ITGAE: variants seen among roughly 807,000 people sequenced by gnomAD.
The protein encoded by ITGAE is integrin subunit alpha E.
ITGAE carries 99 observed loss-of-function variants against 136.5 expected under a neutral mutation model. The observed-to-expected ratio is 0.73, with a 90% CI of 0.62 to 0.86. ITGAE has a LOEUF of 0.86. Among genes scored for constraint, ITGAE ranks in the 40% least tolerant of loss-of-function variants. The probability of loss-of-function intolerance (pLI) is 0.00; values close to 1 mark genes in which losing one functional copy is unlikely to be tolerated. For synonymous variants in ITGAE, 613 were observed against 591.8 expected (o/e 1.04, Z -0.52); for missense variants, 1,447 against 1,515.3 (o/e 0.95, Z 0.75).
rs367572747 is a variant in ITGAE at position 3,731,765 on chromosome 17, G to A, written c.2755-582C>T. Among the ~76,000 whole-genome samples the A allele has an allele frequency of 1.3e-4, 20 of 152,092 alleles. No homozygotes were observed. The East Asian group carries it at 3.3e-3, about 25-fold the overall frequency. On this transcript the variant is annotated intron_variant, in intron 22 of 30. Transcript: ENST00000263087. ...CACAGCACAGAGATGACAAGGGACA[G>A]ATCAGGGTTAATAACTTTTCGTCTT...
At chr17:3,722,653 T>G (rs1055312863) in intron 28 of ITGAE, among the ~76,000 whole-genome samples, 4 of 152,028 alleles carry the variant, frequency 2.6e-5, no homozygotes, top group African/African-American at 7.2e-5. Flanking sequence ...ATAACCCGAT[T>G]ATAAAAGGGG....
chr17:3,728,303 A>C, intron 24 of ITGAE, 135 bp from the exon 25 acceptor site: 5 of 717,826 alleles, frequency 7.0e-6, no homozygotes, highest in Admixed American at 2.0e-5. Context: ...TCCCAGGCTC[A>C]AGTGATCCTC....
rs927464969 is a variant in ITGAE at position 3,791,999 on chromosome 17, TGAG to T, written c.34+9109_34+9111del. On this transcript the variant is annotated intron_variant, in intron 1 of 30. Transcript: ENST00000263087. ...TATCCAAAAATCAACCTTCCAGACTTGAGGAGGAGGAGGAACCTGGGGAGATGG... is the reference window on the plus strand; with the variant it reads ...TATCCAAAAATCAACCTTCCAGACTTGAGGAGGAGGAACCTGGGGAGATGG... 2.6e-5 allele frequency among the ~76,000 whole-genome samples: 4 copies of T among 152,294 alleles called. No individual in the cohort carries two copies. The East Asian group carries it at 5.8e-4, about 22-fold the overall frequency.
At chr17:3,772,620 C>T (rs1001618192) in intron 2 of ITGAE, among the ~76,000 whole-genome samples, 2 of 152,108 alleles carry the variant, frequency 1.3e-5, no homozygotes, top group Admixed American at 6.6e-5. Flanking sequence ...CGCGCCACCA[C>T]GCCCAGATAA....
intron 7 of ITGAE, 145 bp from the exon 8 acceptor site, chr17:3,759,698 T>G: frequency 5.4e-6 from 5 of 931,760 alleles, no homozygotes; most frequent in Non-Finnish European, 6.4e-6. Context: ...GCAAAATCTC[T>G]AAGCGAGTAG....
intron 16 of ITGAE, among the ~76,000 whole-genome samples, chr17:3,749,020 A>G (rs77869474): frequency 0.016 from 2,396 of 152,282 alleles, 41 homozygotes; most frequent in South Asian, 0.047. Flanking sequence ...TGGAAGCAGG[A>G]AAGGCTGTGG....
At chr17:3,791,575 G>A (rs149054073) in intron 1 of ITGAE, among the ~76,000 whole-genome samples, 1 of 152,270 alleles carries the variant, frequency 6.6e-6, no homozygotes, top group African/African-American at 2.4e-5. Context: ...GAGCCACCAC[G>A]CCCGGCCCTT....
chr17:3,795,966 CGTGTGTGCATCCGTGTGTGCATCT>C (rs1454868650), intron 1 of ITGAE, among the ~76,000 whole-genome samples: 15 of 85,022 alleles, frequency 1.8e-4, no homozygotes, highest in African/African-American at 2.7e-4. Context: ...CCTGTGTGTG[CGTGTGTGCATCCGTGTGTGCATCT>C]GTGTGTGCAT....
intron 20 of ITGAE, among the ~76,000 whole-genome samples, chr17:3,736,729 A>G (rs558424020): frequency 6.6e-6 from 1 of 152,298 alleles, no homozygotes; most frequent in African/African-American, 2.4e-5. Context: ...CATATTAGCA[A>G]TACCGAGAAA....
At chr17:3,736,900 C>T (rs1038213570) in intron 20 of ITGAE, among the ~76,000 whole-genome samples, 1 of 151,640 alleles carries the variant, frequency 6.6e-6, no homozygotes, top group Admixed American at 6.6e-5. Context: ...GGTTTTTATC[C>T]CAGCTGAGAA....
intron 28 of ITGAE, 45 bp downstream of exon 28, chr17:3,723,243 T>C (rs1567754795): frequency 7.9e-7 from 1 of 1,263,200 alleles, no homozygotes; most frequent in African/African-American, 1.5e-5. Flanking sequence ...GCGATGCCCG[T>C]GAGCAACTGG....
chr17:3,786,213 T>C (rs1282922524), intron 1 of ITGAE, among the ~76,000 whole-genome samples: 1 of 150,846 alleles, frequency 6.6e-6, no homozygotes, highest in Non-Finnish European at 1.5e-5. Context: ...TCCAACCTTA[T>C]GCCAGTAAAC....
intron 26 of ITGAE, chr17:3,725,652 C>G (rs1395505979): frequency 6.3e-7 from 1 of 1,599,958 alleles, no homozygotes; most frequent in Admixed American, 1.7e-5. Context: ...CCCTCCCTTG[C>G]TCCTCAAAGC....
At position 3,745,854 on chromosome 17, in the gene ITGAE, T is replaced by C; in HGVS notation, c.2229A>G (p.Ser743=). The change falls in exon 18 of 31, where the codon TCA becomes TCG. Residue 743 remains serine, a synonymous_variant. Coordinates refer to ENST00000263087, the MANE Select transcript of ITGAE (RefSeq NM_002208.5). ...GGCAGCCCAGACAGCTTCTTACGTC[T>C]GAACACTGCAGCCGTCTCCTCTGCT... ...VGKQRRRLQC[S]DVRSCLGCLR... 2 of 1,614,122 alleles carry C rather than the reference T, an allele frequency of 1.2e-6. No individual in the cohort carries two copies. The highest frequency in any genetic ancestry group is 1.7e-6 in the Non-Finnish European group (2 of 1,180,012).
At position 3,781,320 on chromosome 17, in the gene ITGAE, T is replaced by G. The variant is rs150309929; in HGVS notation, c.35-3660A>C. Among the ~76,000 whole-genome samples, 514 of 152,130 alleles carry G rather than the reference T, an allele frequency of 3.4e-3. 3 individuals are homozygous for G. The highest frequency in any genetic ancestry group is 5.6e-3 in the Non-Finnish European group (382 of 67,994). On this transcript the variant is annotated intron_variant, in intron 1 of 30. Transcript: ENST00000263087. The stretch of plus-strand genomic sequence containing the variant: ...TTTCATCCACTCATGTTTCCTTCTA[T>G]ATTTTTTTTCTTCTTTCATTTCTTT...
chr17:3,761,056 C>T lies in ITGAE; in HGVS notation c.555G>A (p.Glu185=). Residue 185 remains glutamate (E), a synonymous_variant, in exon 6 of 31, where the codon GAG becomes GAA. Coordinates refer to ENST00000263087, the MANE Select transcript of ITGAE (RefSeq NM_002208.5). Reference sequence around the variant, plus strand: ...CGTCTTCCTCCTCCTCCTTGTCTTCCTCCTCCTCCTTCTCCAGAGCCCGGC... The same window carrying T: ...CGTCTTCCTCCTCCTCCTTGTCTTCTTCCTCCTCCTTCTCCAGAGCCCGGC... ...RQRRALEKEE[E]EDKEEEEDEE... 1 of 1,608,402 alleles carries T rather than the reference C, an allele frequency of 6.2e-7. No individual in the cohort carries two copies. The highest frequency in any genetic ancestry group is 8.5e-7 in the Non-Finnish European group (1 of 1,179,800).
At chr17:3,776,747 G>T (rs1225110025) in intron 2 of ITGAE, among the ~76,000 whole-genome samples, 1 of 151,604 alleles carries the variant, frequency 6.6e-6, no homozygotes, top group Non-Finnish European at 1.5e-5. Flanking sequence ...TTTGAGTTGG[G>T]GGGGTCTCAC....
rs370069595 is a variant in ITGAE, at chr17:3,777,608, C to A, written c.87G>T (p.Thr29=). 3 of 1,613,982 alleles carry A rather than the reference C, an allele frequency of 1.9e-6. No homozygotes were observed. The highest frequency in any genetic ancestry group is 2.2e-5 in the South Asian group (2 of 91,052). Residue 29 remains threonine (T), a synonymous_variant, in exon 2 of 31, where the codon ACG becomes ACT. Transcript: ENST00000263087. The part of the protein sequence containing the change: ...FNVDVARPWL[T]PKGGAPFVLS... ...GCACGAAAGGGGCACCTCCCTTGGG[C>A]GTGAGCCAGGGCCGGGCCACATCCA...
At chr17:3,757,973 G>A (rs375320751) in intron 8 of ITGAE, 114 bp from the exon 9 acceptor site, 6 of 1,241,168 alleles carry the variant, frequency 4.8e-6, no homozygotes, top group African/African-American at 1.5e-5. Flanking sequence ...CAATCCTCCC[G>A]AAAGACCCAG....
Sources: allele counts gnomAD v4.1 joint callset (sites outside exome capture counted in the v4.1 genomes callset), GRCh38; gene constraint gnomAD v4.1.1; transcripts MANE v1.5; gene names NCBI Gene and HGNC (gene_info 2026-07-23, HGNC 2026-07-21).